ENOX1: variants seen among roughly 807,000 people sequenced by gnomAD.
The protein encoded by ENOX1 is ecto-NOX disulfide-thiol exchanger 1, also known as candidate growth-related and time keeping constitutive hydroquinone (NADH) oxidase.
ENOX1 carries 42 observed loss-of-function variants against 82.5 expected under a neutral mutation model. That is an observed-to-expected ratio of 0.51 (90% CI 0.40 to 0.66). The LOEUF is 0.66. Among genes scored for constraint, ENOX1 ranks in the 30% least tolerant of loss-of-function variants. The pLI, the probability that ENOX1 is intolerant of heterozygous loss-of-function variation, is 0.00. For missense variants in ENOX1, 608 were observed against 811.6 expected (o/e 0.75, Z 3.05); for synonymous variants, 271 against 282.2 (o/e 0.96, Z 0.40).
At chr13:43,396,461 C>T (rs1459422758) in intron 5 of ENOX1, among the ~76,000 whole-genome samples, 1 of 152,208 alleles carries the variant, frequency 6.6e-6, no homozygotes, top group East Asian at 1.9e-4. Flanking sequence ...CTCACTGCAA[C>T]CTCCGCCTTC....
At chr13:43,629,672 G>A (rs1388919628) in intron 2 of ENOX1, among the ~76,000 whole-genome samples, 1 of 152,130 alleles carries the variant, frequency 6.6e-6, no homozygotes, top group Non-Finnish European at 1.5e-5. Flanking sequence ...CATTTCAGTT[G>A]AACCAATTAC....
intron 15 of ENOX1, among the ~76,000 whole-genome samples, chr13:43,233,422 C>A (rs774965787): frequency 1.2e-4 from 18 of 152,148 alleles, no homozygotes; most frequent in Non-Finnish European, 2.2e-4. Context: ...CAATGAAATC[C>A]CACGGATCCT....
intron 2 of ENOX1, among the ~76,000 whole-genome samples, chr13:43,523,607 T>A (rs959742742): frequency 5.9e-5 from 9 of 152,294 alleles, no homozygotes; most frequent in African/African-American, 2.2e-4. Flanking sequence ...ATAAATCTTT[T>A]AAGAAAGCAA....
intron 12 of ENOX1, among the ~76,000 whole-genome samples, chr13:43,286,677 T>C (rs1294519966): frequency 6.6e-6 from 1 of 152,236 alleles, no homozygotes; most frequent in Admixed American, 6.5e-5. Context: ...CAGAGCAGGA[T>C]AACTAATGAT....
chr13:43,506,420 C>T (rs538047095), intron 2 of ENOX1, among the ~76,000 whole-genome samples: 1,549 of 149,618 alleles, frequency 0.01, 28 homozygotes, highest in African/African-American at 0.036. Context: ...TTGTGGAAGT[C>T]GGTGTGGCGA....
chr13:43,255,693 T>A (rs984297031), intron 14 of ENOX1, among the ~76,000 whole-genome samples: 3 of 152,054 alleles, frequency 2.0e-5, no homozygotes, highest in African/African-American at 4.8e-5. Flanking sequence ...AAATGTAAAA[T>A]GCCTAGGAAT....
intron 2 of ENOX1, among the ~76,000 whole-genome samples, chr13:43,588,563 TTGAGG>T (rs2081096602): frequency 6.6e-6 from 1 of 152,212 alleles, no homozygotes; most frequent in Non-Finnish European, 1.5e-5. Context: ...TATAGGGAAG[TTGAGG>T]TTGGAATTTG....
chr13:43,473,862 CTTA>C (rs1012663817), intron 3 of ENOX1, among the ~76,000 whole-genome samples: 4 of 152,070 alleles, frequency 2.6e-5, no homozygotes, highest in African/African-American at 9.7e-5. Context: ...ACTTTAATGT[CTTA>C]TTATTCTTCT....
intron 5 of ENOX1, among the ~76,000 whole-genome samples, chr13:43,379,743 T>A (rs920581015): frequency 6.6e-6 from 1 of 151,832 alleles, no homozygotes; most frequent in Non-Finnish European, 1.5e-5. Flanking sequence ...GAACAAATAT[T>A]TGAACAAATA....
At chr13:43,472,389 A>G (rs1406737535) in intron 3 of ENOX1, among the ~76,000 whole-genome samples, 1 of 152,218 alleles carries the variant, frequency 6.6e-6, no homozygotes, top group Admixed American at 6.5e-5. Flanking sequence ...TGTGAATACC[A>G]TTTATTAGGC....
At chr13:43,434,815 GAT>G (rs1423641785) in intron 3 of ENOX1, among the ~76,000 whole-genome samples, 1 of 151,960 alleles carries the variant, frequency 6.6e-6, no homozygotes, top group African/African-American at 2.4e-5. Flanking sequence ...TAAACGTTTT[GAT>G]GGTACAGATA....
chr13:43,542,273 G>C (rs1303479495), intron 2 of ENOX1, among the ~76,000 whole-genome samples: 1 of 151,772 alleles, frequency 6.6e-6, no homozygotes, highest in Non-Finnish European at 1.5e-5. Flanking sequence ...CCAAGAAGCT[G>C]GGGCTACAGG....
At chr13:43,520,582 A>G (rs1361107043) in intron 2 of ENOX1, among the ~76,000 whole-genome samples, 3 of 152,178 alleles carry the variant, frequency 2.0e-5, no homozygotes, top group African/African-American at 7.2e-5. Flanking sequence ...CTACATGGGG[A>G]ACAGGATATA....
intron 5 of ENOX1, among the ~76,000 whole-genome samples, chr13:43,391,557 T>G (rs149603962): frequency 6.6e-6 from 1 of 152,328 alleles, no homozygotes; most frequent in African/African-American, 2.4e-5. Context: ...CCTGTGTTTC[T>G]CACTTCATAA....
At chr13:43,233,848 A>T (rs930931703) in intron 15 of ENOX1, among the ~76,000 whole-genome samples, 4 of 152,210 alleles carry the variant, frequency 2.6e-5, no homozygotes, top group African/African-American at 7.2e-5. Context: ...GCTGGCCTAG[A>T]GCATGACTTT....
chr13:43,598,433 A>G (rs1536843), intron 2 of ENOX1, among the ~76,000 whole-genome samples: 147,764 of 152,228 alleles, frequency 0.97, 71,874 homozygotes, highest in East Asian at 1. Context: ...TAGTATCAGA[A>G]CTCCAAACCT....
intron 5 of ENOX1, among the ~76,000 whole-genome samples, chr13:43,372,668 T>A (rs117467792): frequency 0.01 from 1,586 of 152,312 alleles, 18 homozygotes; most frequent in Non-Finnish European, 0.015. Context: ...ATTTCACTCA[T>A]CTGCTATTAA....
intron 1 of ENOX1, among the ~76,000 whole-genome samples, chr13:43,689,881 C>T (rs1368819089): frequency 6.6e-6 from 1 of 152,114 alleles, no homozygotes; most frequent in East Asian, 1.9e-4. Context: ...CCACCCAAAC[C>T]ATCCCACTTT....
chr13:43,577,390 C>T lies in ENOX1; in HGVS notation c.-219+90089G>A, dbSNP rs145455065. On this transcript the variant is annotated intron_variant, in intron 2 of 16. Transcript: ENST00000690772. ...CAGGTGATCTGCCTGCCTTAGCCTC[C>T]CAAAGTGCTAGGATTACAGGCATGA... is the stretch of plus-strand genomic sequence containing the variant. 9.1e-3 allele frequency among the ~76,000 whole-genome samples: 1,383 copies of T among 152,226 alleles called. 27 individuals are homozygous for T. Among genetic ancestry groups the T allele is most frequent in the African/African-American group, 0.032 (1,317 of 41,544 alleles).
Sources: gnomAD v4.1 joint callset for allele counts (sites outside exome capture counted in the v4.1 genomes callset) on GRCh38, gnomAD v4.1.1 for gene constraint, MANE v1.5 for transcripts, NCBI Gene and HGNC (gene_info 2026-07-23, HGNC 2026-07-21) for gene names.